The following XYLT1 variants were observed in gnomAD, a reference collection of about 807,000 sequenced individuals.
The protein encoded by XYLT1 is beta-D-xylosyltransferase 1.
Under a neutral mutation model 91.3 loss-of-function variants are expected in XYLT1, and 36 were observed. The observed-to-expected ratio is 0.39, with a 90% CI of 0.30 to 0.52. The LOEUF (loss-of-function observed/expected upper bound fraction) is 0.52. Among genes scored for constraint, XYLT1 ranks in the 20% least tolerant of loss-of-function variants. XYLT1 has a pLI of 0.68. For synonymous variants in XYLT1, 588 were observed against 532.0 expected, an observed-to-expected ratio of 1.11 and a Z score of -1.45; for missense variants, 1,242 against 1,284.5, an observed-to-expected ratio of 0.97 and a Z score of 0.51.
chr16:17,131,826 G>A (rs904597755), intron 9 of XYLT1, among the ~76,000 whole-genome samples: 8 of 152,182 alleles, frequency 5.3e-5, no homozygotes, highest in Non-Finnish European at 7.4e-5. Flanking sequence ...CACATGCCCC[G>A]GGGCTAGGAA....
chr16:17,281,094 G>T (rs2034050430), intron 2 of XYLT1, among the ~76,000 whole-genome samples: 2 of 152,290 alleles, frequency 1.3e-5, no homozygotes, highest in South Asian at 4.1e-4. Flanking sequence ...TTTCAGCTTT[G>T]GGTACCTGCT....
intron 1 of XYLT1, among the ~76,000 whole-genome samples, chr16:17,389,120 T>C (rs2035784576): frequency 6.6e-6 from 1 of 152,240 alleles, no homozygotes. Flanking sequence ...GTGGATTCCT[T>C]TAACCTTTGT....
At chr16:17,379,125 C>T (rs1314076327) in intron 1 of XYLT1, among the ~76,000 whole-genome samples, 1 of 152,190 alleles carries the variant, frequency 6.6e-6, no homozygotes, top group Non-Finnish European at 1.5e-5. Context: ...TTGTCAGAGG[C>T]CAGCAGATCT....
intron 4 of XYLT1, 37 bp from the exon 5 acceptor site, chr16:17,198,451 G>C (rs1209667152): frequency 6.3e-7 from 1 of 1,597,862 alleles, no homozygotes; most frequent in African/African-American, 1.3e-5. Flanking sequence ...ACAGTCAGTG[G>C]CCTAGAAAAT....
intron 1 of XYLT1, among the ~76,000 whole-genome samples, chr16:17,440,278 T>C (rs113970661): frequency 0.01 from 1,594 of 152,338 alleles, 27 homozygotes; most frequent in African/African-American, 0.036. Flanking sequence ...ATAACCTTCA[T>C]AACATTTTCT....
At chr16:17,361,080 C>T (rs2035375353) in intron 1 of XYLT1, among the ~76,000 whole-genome samples, 1 of 152,234 alleles carries the variant, frequency 6.6e-6, no homozygotes, top group Non-Finnish European at 1.5e-5. Context: ...CAGTTCTTTA[C>T]TGTGTGCTTC....
At chr16:17,113,486 T>C (rs539290363) in intron 11 of XYLT1, among the ~76,000 whole-genome samples, 44 of 152,346 alleles carry the variant, frequency 2.9e-4, no homozygotes, top group Admixed American at 2.5e-3. Flanking sequence ...AGAACTCCTG[T>C]AACCCTTCTT....
intron 2 of XYLT1, among the ~76,000 whole-genome samples, chr16:17,266,863 C>T (rs536936744): frequency 2.0e-5 from 3 of 152,296 alleles, no homozygotes; most frequent in East Asian, 1.9e-4. Flanking sequence ...CCAGGGTAGG[C>T]GAACGGTGGA....
intron 3 of XYLT1, among the ~76,000 whole-genome samples, chr16:17,232,955 T>A (rs1225517820): frequency 3.9e-5 from 6 of 152,136 alleles, no homozygotes; most frequent in Non-Finnish European, 8.8e-5. Context: ...GCATAATTCT[T>A]CCTCTTTTGT....
At chr16:17,267,945 T>C (rs897739633) in intron 2 of XYLT1, among the ~76,000 whole-genome samples, 3 of 152,192 alleles carry the variant, frequency 2.0e-5, no homozygotes, top group Non-Finnish European at 2.9e-5. Flanking sequence ...TTAGGTATAA[T>C]TTATTAAAAT....
intron 1 of XYLT1, among the ~76,000 whole-genome samples, chr16:17,382,996 T>C (rs12935465): frequency 0.52 from 79,067 of 151,504 alleles, 22,492 homozygotes; most frequent in African/African-American, 0.72. Context: ...CCCAGTCCCA[T>C]CTCCCAAGAC....
chr16:17,229,297 G>A (rs1168392189), intron 3 of XYLT1, among the ~76,000 whole-genome samples: 2 of 152,166 alleles, frequency 1.3e-5, no homozygotes, highest in African/African-American at 4.8e-5. Context: ...GCATGTCCAT[G>A]TGAGGGCTGG....
Position 17,237,967 on chromosome 16 carries a change from A to G in XYLT1, c.913+21021T>C, listed in dbSNP as rs149385563. Among the ~76,000 whole-genome samples the G allele has an allele frequency of 1.4e-4, 22 of 152,366 alleles. No homozygotes were observed. The East Asian group carries it at 4.1e-3, about 28-fold the overall frequency. Reference sequence around the variant, plus strand: ...CATTAGCAGTTCAGCAAACATTTGTAGAGCATCTGGTACATGTCAGGCCAT... The same window carrying G: ...CATTAGCAGTTCAGCAAACATTTGTGGAGCATCTGGTACATGTCAGGCCAT... On this transcript the variant is annotated intron_variant, in intron 3 of 11. Coordinates refer to ENST00000261381, the MANE Select transcript of XYLT1 (RefSeq NM_022166.4).
chr16:17,247,159 T>A (rs897946768), intron 3 of XYLT1, among the ~76,000 whole-genome samples: 2 of 131,552 alleles, frequency 1.5e-5, no homozygotes, highest in Non-Finnish European at 3.4e-5. Context: ...ATTCATTTAT[T>A]CATTCACTCA....
At chr16:17,337,112 G>A (rs1318766423) in intron 2 of XYLT1, among the ~76,000 whole-genome samples, 1 of 152,066 alleles carries the variant, frequency 6.6e-6, no homozygotes, top group Non-Finnish European at 1.5e-5. Context: ...TTTTTAAGTG[G>A]TTAAATTCTC....
intron 2 of XYLT1, among the ~76,000 whole-genome samples, chr16:17,326,706 T>C (rs1473302751): frequency 8.6e-5 from 13 of 151,952 alleles, no homozygotes. Context: ...GCACCTGTAG[T>C]CCCAGCTACT....
intron 2 of XYLT1, among the ~76,000 whole-genome samples, chr16:17,274,358 A>G (rs1381414482): frequency 6.6e-6 from 1 of 152,180 alleles, no homozygotes; most frequent in Admixed American, 6.5e-5. Context: ...GAATGTTTTA[A>G]AAGATTTGTG....
chr16:17,140,658 C>CAAAAAAAAAAAAAAAAAA (rs71137974), intron 7 of XYLT1, among the ~76,000 whole-genome samples: 2 of 68,004 alleles, frequency 2.9e-5, no homozygotes, highest in African/African-American at 1.2e-4. Flanking sequence ...AAGACTGTCT[C>CAAAAAAAAAAAAAAAAAA]AAAAAAAAAA....
intron 2 of XYLT1, among the ~76,000 whole-genome samples, chr16:17,352,425 G>A (rs547626794): frequency 1.3e-5 from 2 of 152,194 alleles, no homozygotes; most frequent in Admixed American, 6.5e-5. Flanking sequence ...TCCCCTGCCT[G>A]ATAAAGTAAT....
Sources: allele counts gnomAD v4.1 joint callset (sites outside exome capture counted in the v4.1 genomes callset), GRCh38; gene constraint gnomAD v4.1.1; transcripts MANE v1.5; gene names NCBI Gene and HGNC (gene_info 2026-07-23, HGNC 2026-07-21).